Variants in FASTK observed in about 807,000 individuals in gnomAD.
The protein encoded by FASTK is fas-activated serine/threonine kinase.
In FASTK, 28 loss-of-function variants were observed where a neutral mutation model predicts 60.0. The observed-to-expected ratio is 0.47, with a 90% CI of 0.35 to 0.64. The LOEUF is 0.64. Ranked by LOEUF, FASTK falls within the 30% of genes least tolerant of loss-of-function variation. The pLI is 0.01. For missense variants in FASTK, 595 were observed against 713.8 expected, an observed-to-expected ratio of 0.83 and a Z score of 1.90; for synonymous variants, 325 against 307.9, an observed-to-expected ratio of 1.06 and a Z score of -0.58.
In FASTK at chr7:151,078,894, G is replaced by A. The variant is rs200995404; in HGVS notation, c.633C>T (p.Ser211=). 2.5e-6 allele frequency: 4 copies of A among 1,598,304 alleles called. No homozygotes were observed. The East Asian group carries it at 9.0e-5, about 36-fold the overall frequency. ...RGGQGLEAAL[S]CPRFLRYPRQ... ...GTGGATACCGCAGAAAACGGGGGCAGCTTAGAGCAGCTTCCAACCCTTGCC... is the reference window on the plus strand; with the variant it reads ...GTGGATACCGCAGAAAACGGGGGCAACTTAGAGCAGCTTCCAACCCTTGCC... Residue 211 remains serine (S), a synonymous_variant, in exon 3 of 10, where the codon AGC becomes AGT. Coordinates refer to ENST00000297532, the MANE Select transcript of FASTK (RefSeq NM_006712.5).
In FASTK at chr7:151,077,611, C is replaced by T. The variant is rs1348163010; in HGVS notation, c.1199+10G>A. 4 of 1,535,952 alleles carry T rather than the reference C, an allele frequency of 2.6e-6. No homozygotes were observed. The African/African-American group carries it at 5.5e-5, about 21-fold the overall frequency. On this transcript the variant is annotated intron_variant, in intron 6 of 9. Transcript: ENST00000297532. ...TGGCCCCTCCCCTTGCCCCAGGCTG[C>T]CCCATCCACCTGTACTTGCAGCGGG...
At position 151,078,888 on chromosome 7, in the gene FASTK, G is replaced by C; in HGVS notation, c.639C>G (p.Pro213=). The part of the protein sequence containing the change: ...GQGLEAALSC[P]RFLRYPRQHL... Reference sequence around the variant, plus strand: ...GCTGCCGTGGATACCGCAGAAAACGGGGGCAGCTTAGAGCAGCTTCCAACC... The same window carrying C: ...GCTGCCGTGGATACCGCAGAAAACGCGGGCAGCTTAGAGCAGCTTCCAACC... The change falls in exon 3 of 10, where the codon CCC becomes CCG. Residue 213 remains proline, a synonymous_variant. Transcript: ENST00000297532. 1 of 1,603,400 alleles carries C rather than the reference G, an allele frequency of 6.2e-7. No individual in the cohort carries two copies.
rs749718158 is a variant in FASTK, at chr7:151,077,377, C to A, written c.1224G>T (p.Gly408=). The change falls in exon 7 of 10, where the codon GGG becomes GGT. Residue 408 remains glycine, a synonymous_variant. Transcript: ENST00000297532. ...KYSHKDIVAE[G]LRQLLGEEKY... The stretch of plus-strand genomic sequence containing the variant: ...TCTCCTCCCCCAGCAGCTGGCGCAA[C>A]CCCTCAGCTACTATGTCCTTGTGAC... 7 of 1,612,584 alleles carry A rather than the reference C, an allele frequency of 4.3e-6. No homozygotes were observed. Among genetic ancestry groups the A allele is most frequent in the African/African-American group, 1.3e-5 (1 of 74,952 alleles).
In FASTK at chr7:151,077,083, C is replaced by G. The variant is rs532948471; in HGVS notation, c.1427+18G>C. On this transcript the variant is annotated intron_variant, in intron 8 of 9. Transcript: ENST00000297532. Reference sequence around the variant, plus strand: ...GGCGGGCAAGGTGGCCAGGGCTCCCCCACCCTGCCTCCTTTACCTCTGGGC... The same window carrying G: ...GGCGGGCAAGGTGGCCAGGGCTCCCGCACCCTGCCTCCTTTACCTCTGGGC... 4.4e-6 allele frequency: 7 copies of G among 1,607,116 alleles called. No individual in the cohort carries two copies. The highest frequency in any genetic ancestry group is 6.0e-6 in the Non-Finnish European group (7 of 1,175,424).
At chr7:151,078,258 G>A (rs934514134) in intron 4 of FASTK, among the ~76,000 whole-genome samples, 166 bp from the exon 5 acceptor site, 11 of 152,230 alleles carry the variant, frequency 7.2e-5, no homozygotes, top group African/African-American at 2.7e-4. Flanking sequence ...CGAGCTGCAC[G>A]TGACTAATCA....
rs1016220488 is a variant in FASTK at position 151,077,568 on chromosome 7, ACT to A, written c.1199+51_1199+52del. 3.9e-6 allele frequency: 6 copies of A among 1,528,174 alleles called. No homozygotes were observed. In the African/African-American group the frequency reaches 5.5e-5, roughly 14 times the overall value. 94.7% of individuals were successfully genotyped at this position (1,528,174 alleles called of 1,614,324 possible). A position where few individuals can be genotyped will look rare whatever the true frequency, so the allele number is the denominator to read the frequency against. On this transcript the variant is annotated intron_variant, in intron 6 of 9. Coordinates refer to ENST00000297532, the MANE Select transcript of FASTK (RefSeq NM_006712.5). ...GCTTCATGGTCCCTCTGGCTTTTCCACTCTGCTGGTCCCAGGCTGGCCCCTCC... is the reference window on the plus strand; with the variant it reads ...GCTTCATGGTCCCTCTGGCTTTTCCACTGCTGGTCCCAGGCTGGCCCCTCC...
intron 1 of FASTK, chr7:151,080,441 G>T: frequency 8.1e-7 from 1 of 1,235,568 alleles, no homozygotes; most frequent in Non-Finnish European, 1.0e-6. Context: ...ACTCACCAGC[G>T]GCGTGACCTT....
chr7:151,080,412 T>G, intron 1 of FASTK: 1 of 1,138,232 alleles, frequency 8.8e-7, no homozygotes, highest in Non-Finnish European at 1.1e-6. Context: ...CGGTGCTGGG[T>G]TCCATGCTGG....
chr7:151,077,519 G>A lies in FASTK; in HGVS notation c.1199+102C>T, dbSNP rs532953174. 7.1e-5 allele frequency: 106 copies of A among 1,502,134 alleles called. 1 individual carries two copies. In the African/African-American group the frequency reaches 1.2e-3, roughly 17 times the overall value. 93.1% of individuals were successfully genotyped at this position (1,502,134 alleles called of 1,614,324 possible). On this transcript the variant is annotated intron_variant, in intron 6 of 9. Transcript: ENST00000297532. ...CTGCTTCAGGGCCCAGTTTTATGGT[G>A]GCCGAGAGCTCCTTAGCTTTGGCGC...
intron 6 of FASTK, 60 bp downstream of exon 6, chr7:151,077,561 C>G (rs1369855280): frequency 1.3e-6 from 2 of 1,526,276 alleles, no homozygotes; most frequent in Non-Finnish European, 1.8e-6. Context: ...GTCCCTCTGG[C>G]TTTTCCACTC....
At chr7:151,078,816 C>T (rs1364351706) in intron 3 of FASTK, 26 bp downstream of exon 3, 1 of 1,607,528 alleles carries the variant, frequency 6.2e-7, no homozygotes, top group East Asian at 2.2e-5. Context: ...TCCCCACCCC[C>T]ATCTGATTTT....
At position 151,077,087 on chromosome 7, in the gene FASTK, C is replaced by T. The variant is rs752137739; in HGVS notation, c.1427+14G>A. ...GGCAAGGTGGCCAGGGCTCCCCCAC[C>T]CTGCCTCCTTTACCTCTGGGCAGGG... On this transcript the variant is annotated intron_variant, in intron 8 of 9. Coordinates refer to ENST00000297532, the MANE Select transcript of FASTK (RefSeq NM_006712.5). The T allele has an allele frequency of 3.1e-6, 5 of 1,607,322 alleles. No individual in the cohort carries two copies. Among genetic ancestry groups the T allele is most frequent in the Non-Finnish European group, 4.3e-6 (5 of 1,175,668 alleles).
Position 151,080,755 on chromosome 7 carries a change from C to T in FASTK, c.12G>A (p.Pro4=), listed in dbSNP as rs529683460. Reference sequence around the variant, plus strand: ...GGGCCCGGGGGCCGGGTTCCCCCCGCGGCCTCCTCATCGGCTAGCCACCGA... The same window carrying T: ...GGGCCCGGGGGCCGGGTTCCCCCCGTGGCCTCCTCATCGGCTAGCCACCGA... MRR[P]RGEPGPRAPR... is the part of the protein sequence containing the mutation. The change falls in exon 1 of 10, where the codon CCG becomes CCA. Residue 4 remains proline, a synonymous_variant. Coordinates refer to ENST00000297532, the MANE Select transcript of FASTK (RefSeq NM_006712.5). 7 of 1,301,284 alleles carry T rather than the reference C, an allele frequency of 5.4e-6. No homozygotes were observed. The South Asian group carries it at 1.3e-4, about 25-fold the overall frequency. The allele number at this position is 1,301,284 out of a possible 1,614,324, so 80.6% of individuals were successfully genotyped here.
chr7:151,077,796 G>T lies in FASTK; in HGVS notation c.1040-16C>A, dbSNP rs758627329. On this transcript the variant is annotated splice_polypyrimidine_tract_variant and intron_variant, in intron 5 of 9. Transcript: ENST00000297532. ...TGAGGGGTGCCTGTGGGGAGGCGGG[G>T]ACTGGGGCTCTGGGCTGCAGGCCAC... 6.3e-7 allele frequency: 1 copy of T among 1,594,798 alleles called. No homozygotes were observed. The highest frequency in any genetic ancestry group is 8.6e-7 in the Non-Finnish European group (1 of 1,166,488).
Position 151,077,347 on chromosome 7 carries a change from G to A in FASTK, c.1254C>T (p.Tyr418=). Residue 418 remains tyrosine (Y), a synonymous_variant, in exon 7 of 10, where the codon TAC becomes TAT. Coordinates refer to ENST00000297532, the MANE Select transcript of FASTK (RefSeq NM_006712.5). ...GLRQLLGEEK[Y]RQDLTVPPGY... is the part of the protein sequence containing the mutation. The stretch of plus-strand genomic sequence containing the variant: ...CTGGAGGCACAGTCAGGTCCTGGCG[G>A]TATTTCTCCTCCCCCAGCAGCTGGC... The A allele has an allele frequency of 1.2e-6, 2 of 1,613,028 alleles. No homozygotes were observed. The highest frequency in any genetic ancestry group is 1.7e-6 in the Non-Finnish European group (2 of 1,180,006).
Position 151,080,746 on chromosome 7 carries a change from T to A in FASTK, c.21A>T (p.Glu7Asp), listed in dbSNP as rs560549551. The A allele has an allele frequency of 3.1e-6, 4 of 1,302,960 alleles. No homozygotes were observed. Among genetic ancestry groups the A allele is most frequent in the Admixed American group, 8.3e-5 (2 of 23,994 alleles). 80.7% of individuals were successfully genotyped at this position (1,302,960 alleles called of 1,614,324 possible). Residue 7 changes from glutamate (E) to aspartate (D), a missense_variant, in exon 1 of 10, where the codon GAA becomes GAT. This residue lies in a region of FASTK where 124 missense variants were observed against 107.9 expected (regional missense o/e 1.15). Transcript: ENST00000297532. MRRPRGEPGPRAPRPTE... is the reference protein window; with the variant it reads MRRPRGDPGPRAPRPTE... Reference sequence around the variant, plus strand: ...TCGGTCTCGGGGCCCGGGGGCCGGGTTCCCCCCGCGGCCTCCTCATCGGCT... The same window carrying A: ...TCGGTCTCGGGGCCCGGGGGCCGGGATCCCCCCGCGGCCTCCTCATCGGCT...
At chr7:151,079,421 T>C (rs997644737) in intron 2 of FASTK, 79 bp downstream of exon 2, 23 of 1,374,028 alleles carry the variant, frequency 1.7e-5, no homozygotes, top group Non-Finnish European at 2.2e-5. Flanking sequence ...GCTGGGTCTC[T>C]GTCCGTGGTC....
intron 2 of FASTK, 154 bp from the exon 3 acceptor site, chr7:151,079,175 G>T: frequency 3.0e-6 from 2 of 669,900 alleles, no homozygotes; most frequent in East Asian, 3.0e-5. Flanking sequence ...GACATGTAAA[G>T]TATCATGTGG....
chr7:151,078,849 G>C lies in FASTK; in HGVS notation c.678C>G (p.Ser226Arg). Reference sequence around the variant, plus strand: ...TTTAACCCCCTCCAGCACCTGCCAGGCTGCTGATCAGATGCTGCCGTGGAT... The same window carrying C: ...TTTAACCCCCTCCAGCACCTGCCAGCCTGCTGATCAGATGCTGCCGTGGAT... ...LRYPRQHLIS[S>R]LAEARPEELT... The change falls in exon 3 of 10, where the codon AGC becomes AGG. Residue 226 changes from serine (S) to arginine (R), a missense_variant. By Grantham distance (110) the Ser-to-Arg change is moderately radical (BLOSUM62 -1). Coordinates refer to ENST00000297532, the MANE Select transcript of FASTK (RefSeq NM_006712.5). The C allele has an allele frequency of 6.2e-7, 1 of 1,608,058 alleles. No homozygotes were observed. Among genetic ancestry groups the C allele is most frequent in the Non-Finnish European group, 8.5e-7 (1 of 1,178,130 alleles).
Sources: allele counts gnomAD v4.1 joint callset (sites outside exome capture counted in the v4.1 genomes callset), GRCh38; gene constraint gnomAD v4.1.1; regional missense constraint gnomAD v4.1.1; transcripts MANE v1.5; gene names NCBI Gene and HGNC (gene_info 2026-07-23, HGNC 2026-07-21).